CCBE1: variants seen among roughly 807,000 people sequenced by gnomAD.
CCBE1 encodes collagen and calcium binding EGF domains 1.
Under a neutral mutation model 50.0 loss-of-function variants are expected in CCBE1, and 37 were observed. That is an observed-to-expected ratio of 0.74 (90% CI 0.57 to 0.97). The LOEUF (loss-of-function observed/expected upper bound fraction) is 0.97. Among genes scored for constraint, CCBE1 ranks in the 50% least tolerant of loss-of-function variants. The pLI, the probability that CCBE1 is intolerant of heterozygous loss-of-function variation, is 0.00. For synonymous variants in CCBE1, 234 were observed against 203.7 expected, an observed-to-expected ratio of 1.15 and a Z score of -1.27; for missense variants, 538 against 523.8, an observed-to-expected ratio of 1.03 and a Z score of -0.26.
At chr18:59,596,674 C>T (rs1014204974) in intron 2 of CCBE1, among the ~76,000 whole-genome samples, 7 of 152,202 alleles carry the variant, frequency 4.6e-5, no homozygotes, top group African/African-American at 1.2e-4. Context: ...CCACGTCTCT[C>T]GTTTTACACA....
At chr18:59,450,307 C>T (rs746331543) in intron 6 of CCBE1, among the ~76,000 whole-genome samples, 10 of 152,222 alleles carry the variant, frequency 6.6e-5, no homozygotes, top group South Asian at 2.1e-4. Context: ...AGATGGATGG[C>T]GCTGTTCTCA....
chr18:59,561,953 C>A (rs948904302), intron 2 of CCBE1, among the ~76,000 whole-genome samples: 1 of 152,156 alleles, frequency 6.6e-6, no homozygotes, highest in African/African-American at 2.4e-5. Flanking sequence ...CTATTGCCCC[C>A]TGAGGTGTTC....
chr18:59,665,669 G>A (rs1379407828), intron 2 of CCBE1, among the ~76,000 whole-genome samples: 1 of 152,178 alleles, frequency 6.6e-6, no homozygotes, highest in African/African-American at 2.4e-5. Context: ...TCTAACATCA[G>A]GAAGCACTGC....
Position 59,535,609 on chromosome 18 carries a change from C to T in CCBE1, c.213-55371G>A, listed in dbSNP as rs114174460. 3.9e-3 allele frequency among the ~76,000 whole-genome samples: 594 copies of T among 152,218 alleles called. 5 individuals are homozygous for T. The highest frequency in any genetic ancestry group is 0.014 in the African/African-American group (574 of 41,538). Reference sequence around the variant, plus strand: ...AGTGTAAGGTCACTGTAGCAATGCTCTTAATAGCTGAAAAATTTGGAAGCA... The same window carrying T: ...AGTGTAAGGTCACTGTAGCAATGCTTTTAATAGCTGAAAAATTTGGAAGCA... On this transcript the variant is annotated intron_variant, in intron 2 of 10. Coordinates refer to ENST00000439986, the MANE Select transcript of CCBE1 (RefSeq NM_133459.4).
At chr18:59,596,337 A>T (rs1189297106) in intron 2 of CCBE1, among the ~76,000 whole-genome samples, 1 of 152,230 alleles carries the variant, frequency 6.6e-6, no homozygotes, top group Non-Finnish European at 1.5e-5. Context: ...TCTACTTTTT[A>T]AAAATAATTT....
In CCBE1 at chr18:59,659,895, C is replaced by A. The variant is rs2054258877; in HGVS notation, c.212+36734G>T. Among the ~76,000 whole-genome samples the A allele has an allele frequency of 2.6e-5, 4 of 152,246 alleles. No homozygotes were observed. The South Asian group carries it at 8.3e-4, about 32-fold the overall frequency. On this transcript the variant is annotated intron_variant, in intron 2 of 10. Coordinates refer to ENST00000439986, the MANE Select transcript of CCBE1 (RefSeq NM_133459.4). The stretch of plus-strand genomic sequence containing the variant: ...GACAAAGCAGAGCTCAGAGGTCCCC[C>A]CTCCCAGTTCTAAGTTTGTGTCACT...
intron 2 of CCBE1, among the ~76,000 whole-genome samples, chr18:59,606,630 G>A (rs917252373): frequency 3.3e-5 from 5 of 152,104 alleles, no homozygotes; most frequent in African/African-American, 1.2e-4. Context: ...TTGGAAGGGT[G>A]TCAAGAAGCA....
chr18:59,608,332 T>C (rs1206766676), intron 2 of CCBE1, among the ~76,000 whole-genome samples: 1 of 152,188 alleles, frequency 6.6e-6, no homozygotes, highest in African/African-American at 2.4e-5. Flanking sequence ...CAATTTAACT[T>C]TGTGTTCCAG....
At chr18:59,680,234 A>T (rs1183373980) in intron 2 of CCBE1, among the ~76,000 whole-genome samples, 1 of 150,794 alleles carries the variant, frequency 6.6e-6, no homozygotes, top group Non-Finnish European at 1.5e-5. Context: ...AAAGAAAAAA[A>T]AAAAGACACA....
chr18:59,544,801 T>A (rs1288044011), intron 2 of CCBE1, among the ~76,000 whole-genome samples: 2 of 152,208 alleles, frequency 1.3e-5, no homozygotes, highest in Admixed American at 1.3e-4. Context: ...TTATACCTTT[T>A]AAGAGGAAAC....
intron 10 of CCBE1, among the ~76,000 whole-genome samples, chr18:59,437,348 A>T (rs987232374): frequency 1.2e-4 from 19 of 152,146 alleles, no homozygotes; most frequent in Admixed American, 2.6e-4. Flanking sequence ...GAGGCACAGT[A>T]TTTTCATATC....
intron 2 of CCBE1, among the ~76,000 whole-genome samples, chr18:59,574,283 C>A (rs2052958714): frequency 6.6e-6 from 1 of 152,092 alleles, no homozygotes; most frequent in Non-Finnish European, 1.5e-5. Flanking sequence ...GTTAGTTGCC[C>A]AAAAAGTGTC....
intron 2 of CCBE1, among the ~76,000 whole-genome samples, chr18:59,668,011 G>C (rs945816514): frequency 6.6e-6 from 1 of 152,116 alleles, no homozygotes; most frequent in Non-Finnish European, 1.5e-5. Flanking sequence ...AGTATTAGGA[G>C]AAATACATAA....
intron 2 of CCBE1, among the ~76,000 whole-genome samples, chr18:59,672,273 C>G (rs1317494087): frequency 6.6e-6 from 1 of 152,166 alleles, no homozygotes; most frequent in African/African-American, 2.4e-5. Flanking sequence ...TAGATGGTAA[C>G]TTGCCTGCAG....
chr18:59,645,599 G>A (rs1056543963), intron 2 of CCBE1, among the ~76,000 whole-genome samples: 1 of 152,104 alleles, frequency 6.6e-6, no homozygotes, highest in Non-Finnish European at 1.5e-5. Flanking sequence ...TGGAATATCT[G>A]CCATCTCAGA....
chr18:59,432,130 T>A lies in CCBE1; in HGVS notation c.*3778A>T, dbSNP rs1002330052. 2 of 152,198 alleles carry A rather than the reference T, an allele frequency of 1.3e-5. No individual in the cohort carries two copies. Among genetic ancestry groups the A allele is most frequent in the African/African-American group, 2.4e-5 (1 of 41,504 alleles). 9.4% of individuals were successfully genotyped at this position (152,198 alleles called of 1,614,324 possible). The stretch of plus-strand genomic sequence containing the variant: ...CACCACGCCTGGCTAATTTTTTTTT[T>A]TATTTATTTTAGTAGAGATGGGGTT... On this transcript the variant is annotated 3_prime_UTR_variant, in exon 11 of 11. Transcript: ENST00000439986.
At chr18:59,484,888 A>G (rs1472000785) in intron 2 of CCBE1, among the ~76,000 whole-genome samples, 2 of 152,148 alleles carry the variant, frequency 1.3e-5, no homozygotes, top group Non-Finnish European at 2.9e-5. Context: ...AAAAATAAAC[A>G]CTGGTTGCAC....
At chr18:59,642,989 G>A (rs1305585006) in intron 2 of CCBE1, among the ~76,000 whole-genome samples, 2 of 148,868 alleles carry the variant, frequency 1.3e-5, no homozygotes, top group African/African-American at 2.5e-5. Flanking sequence ...AAGGATAAAT[G>A]TATGTCAAAA....
chr18:59,503,452 T>TG (rs1003706397), intron 2 of CCBE1, among the ~76,000 whole-genome samples: 2 of 152,190 alleles, frequency 1.3e-5, no homozygotes, highest in African/African-American at 4.8e-5. Context: ...GGGTTGAAAT[T>TG]GGAGGCCAGA....
Sources: gnomAD v4.1 joint callset for allele counts (sites outside exome capture counted in the v4.1 genomes callset) on GRCh38, gnomAD v4.1.1 for gene constraint, MANE v1.5 for transcripts, NCBI Gene and HGNC (gene_info 2026-07-23, HGNC 2026-07-21) for gene names.